The following KANK1 variants were observed in gnomAD, a reference collection of about 807,000 sequenced individuals.
KANK1 encodes KN motif and ankyrin repeat domains 1.
A neutral mutation model predicts 106.2 loss-of-function variants in KANK1; 109 were observed. The observed-to-expected ratio is 1.03, with a 90% CI of 0.88 to 1.20. The LOEUF (loss-of-function observed/expected upper bound fraction) is 1.20, where lower values mean the gene tolerates loss of function less well. KANK1 is among the 50% of genes most tolerant of loss of function. The pLI is 0.00. For missense variants in KANK1, 2,399 were observed against 1,710.7 expected, an observed-to-expected ratio of 1.40 and a Z score of -7.10; for synonymous variants, 873 against 652.2, an observed-to-expected ratio of 1.34 and a Z score of -5.16.
intron 2 of KANK1, among the ~76,000 whole-genome samples, chr9:688,112 T>C (rs1265797258): frequency 6.6e-6 from 1 of 152,226 alleles, no homozygotes; most frequent in Non-Finnish European, 1.5e-5. Flanking sequence ...GCTATATTCT[T>C]TGCAGTTTTC....
chr9:685,171 G>T (rs1488812635), intron 2 of KANK1, among the ~76,000 whole-genome samples: 1 of 152,204 alleles, frequency 6.6e-6, no homozygotes, highest in Non-Finnish European at 1.5e-5. Flanking sequence ...CTTTTGAGCT[G>T]CAGTTCATTA....
intron 1 of KANK1, among the ~76,000 whole-genome samples, chr9:597,014 G>T (rs926923761): frequency 3.3e-5 from 5 of 151,822 alleles, no homozygotes; most frequent in African/African-American, 1.2e-4. Flanking sequence ...GTGACCTTTT[G>T]TGTCTGGCTT....
At chr9:561,944 T>A (rs1009877630) in intron 1 of KANK1, among the ~76,000 whole-genome samples, 1 of 152,136 alleles carries the variant, frequency 6.6e-6, no homozygotes, top group Non-Finnish European at 1.5e-5. Flanking sequence ...TGCTGTTAGG[T>A]TGCATGTATG....
chr9:623,474 C>T (rs1833637166), intron 1 of KANK1, among the ~76,000 whole-genome samples: 1 of 151,910 alleles, frequency 6.6e-6, no homozygotes, highest in East Asian at 1.9e-4. Flanking sequence ...CCTATAGTCT[C>T]AGTTACCCAT....
chr9:508,895 G>A (rs891163292), intron 1 of KANK1, among the ~76,000 whole-genome samples: 4 of 152,146 alleles, frequency 2.6e-5, no homozygotes, highest in Non-Finnish European at 5.9e-5. Context: ...CAATACAAAT[G>A]TGTACATTTG....
At chr9:578,687 A>G (rs1037151803) in intron 1 of KANK1, among the ~76,000 whole-genome samples, 1 of 152,212 alleles carries the variant, frequency 6.6e-6, no homozygotes, top group African/African-American at 2.4e-5. Context: ...AATTGAAAAT[A>G]AAATAACCAT....
At chr9:491,424 C>T (rs185535430) in intron 3 of KANK1, among the ~76,000 whole-genome samples, 2 of 152,070 alleles carry the variant, frequency 1.3e-5, no homozygotes, top group East Asian at 1.9e-4. Context: ...TGCATCACCA[C>T]GCCCAGCTAA....
intron 3 of KANK1, chr9:484,494 A>T (rs1285828126): frequency 6.6e-6 from 1 of 152,240 alleles, no homozygotes; most frequent in East Asian, 1.9e-4. Context: ...AGCCTCAAGC[A>T]CTGTAAGCAT....
chr9:500,309 C>T (rs771997097), upstream of KANK1, among the ~76,000 whole-genome samples: 2 of 152,140 alleles, frequency 1.3e-5, no homozygotes, highest in Non-Finnish European at 2.9e-5. Context: ...ATGGAGTTAT[C>T]CTCTTACTGA....
chr9:745,027 C>T lies in KANK1; in HGVS notation c.3997-146C>T, dbSNP rs867844293. 11 of 1,512,936 alleles carry T rather than the reference C, an allele frequency of 7.3e-6. No individual in the cohort carries two copies. In the Middle Eastern group the frequency reaches 1.3e-3, roughly 175 times the overall value. 93.7% of individuals were successfully genotyped at this position (1,512,936 alleles called of 1,614,324 possible). A position where few individuals can be genotyped will look rare whatever the true frequency, so the allele number is the denominator to read the frequency against. The stretch of plus-strand genomic sequence containing the variant: ...CAGCTGGCCTTGGAGCTGTGGACAC[C>T]TGTTCCCTGTTCTCAGCCAGAGCTC... On this transcript the variant is annotated intron_variant, in intron 11 of 11. Coordinates refer to ENST00000382297, the MANE Select transcript of KANK1 (RefSeq NM_015158.5).
intron 1 of KANK1, among the ~76,000 whole-genome samples, chr9:576,518 T>G (rs1587959419): frequency 1.3e-5 from 2 of 152,214 alleles, no homozygotes; most frequent in South Asian, 4.1e-4. Context: ...CCTTATATGT[T>G]TTGGGTACTT....
At chr9:649,469 G>A (rs1239383608) in intron 1 of KANK1, among the ~76,000 whole-genome samples, 1 of 152,202 alleles carries the variant, frequency 6.6e-6, no homozygotes, top group Non-Finnish European at 1.5e-5. Context: ...CAGTCACTGA[G>A]CTGAGCTGAT....
At chr9:638,818 ATTC>A (rs1215870072) in intron 1 of KANK1, among the ~76,000 whole-genome samples, 1 of 152,184 alleles carries the variant, frequency 6.6e-6, no homozygotes, top group Non-Finnish European at 1.5e-5. Flanking sequence ...CCAGAGAATT[ATTC>A]TTCTCTCTGC....
chr9:570,166 A>G (rs901391047), intron 1 of KANK1, among the ~76,000 whole-genome samples: 4 of 152,170 alleles, frequency 2.6e-5, no homozygotes, highest in African/African-American at 9.7e-5. Flanking sequence ...ACTTTGGAGA[A>G]TGTATTATTC....
intron 7 of KANK1, among the ~76,000 whole-genome samples, chr9:736,900 C>G (rs889113232): frequency 2.0e-5 from 3 of 152,158 alleles, no homozygotes; most frequent in Non-Finnish European, 4.4e-5. Flanking sequence ...CCATAGTACA[C>G]TTTTCTTTCA....
At chr9:638,586 C>T (rs1194365438) in intron 1 of KANK1, among the ~76,000 whole-genome samples, 3 of 152,168 alleles carry the variant, frequency 2.0e-5, no homozygotes, top group Non-Finnish European at 2.9e-5. Flanking sequence ...GTTTTTTCAA[C>T]CAAAGGCAAA....
At chr9:628,444 A>ATT (rs1054224129) in intron 1 of KANK1, among the ~76,000 whole-genome samples, 3 of 152,186 alleles carry the variant, frequency 2.0e-5, no homozygotes, top group African/African-American at 7.2e-5. Context: ...AGATGTACGT[A>ATT]TTTTAATAGT....
intron 1 of KANK1, among the ~76,000 whole-genome samples, chr9:571,756 G>C (rs1221781870): frequency 6.6e-6 from 1 of 152,080 alleles, no homozygotes; most frequent in Non-Finnish European, 1.5e-5. Context: ...CATGGAGCAA[G>C]GTATGTTCTG....
chr9:562,611 A>G (rs1002327755), intron 1 of KANK1, among the ~76,000 whole-genome samples: 4 of 152,200 alleles, frequency 2.6e-5, no homozygotes, highest in Non-Finnish European at 4.4e-5. Flanking sequence ...CTTAACCTGC[A>G]TAGGAGATGA....
Sources: allele counts gnomAD v4.1 joint callset (sites outside exome capture counted in the v4.1 genomes callset), GRCh38; gene constraint gnomAD v4.1.1; transcripts MANE v1.5; gene names NCBI Gene and HGNC (gene_info 2026-07-23, HGNC 2026-07-21).